WAPL: variants seen among roughly 807,000 people sequenced by gnomAD.
WAPL encodes the protein WAPL cohesin release factor, also known as wings apart-like protein homolog.
In WAPL, 5 loss-of-function variants were observed where a neutral mutation model predicts 121.0. The ratio of observed to expected loss-of-function variants is 0.04; its 90% CI spans 0.02 to 0.09. The LOEUF is 0.09. Among genes scored for constraint, WAPL ranks in the 10% least tolerant of loss-of-function variants. WAPL has a pLI of 1.00. For synonymous variants in WAPL, 480 were observed against 481.5 expected, an observed-to-expected ratio of 1.00 and a Z score of 0.04; for missense variants, 999 against 1,410.8, an observed-to-expected ratio of 0.71 and a Z score of 4.68.
intron 1 of WAPL, among the ~76,000 whole-genome samples, chr10:86,518,889 C>T (rs1842612956): frequency 6.6e-6 from 1 of 152,192 alleles, no homozygotes; most frequent in Non-Finnish European, 1.5e-5. Flanking sequence ...ATGTAATTTG[C>T]GCTGTGACTT....
At chr10:86,517,012 G>A (rs1564592296) in intron 2 of WAPL, among the ~76,000 whole-genome samples, 1 of 152,098 alleles carries the variant, frequency 6.6e-6, no homozygotes, top group Non-Finnish European at 1.5e-5. Context: ...GAACCTGGGA[G>A]GCGGAGCCAG....
Position 86,442,278 on chromosome 10 carries a change from C to T in WAPL, c.3411+997G>A, listed in dbSNP as rs988751125. Among the ~76,000 whole-genome samples the T allele has an allele frequency of 3.3e-5, 5 of 152,192 alleles. No individual in the cohort carries two copies. In the East Asian group the frequency reaches 9.6e-4, roughly 29 times the overall value. ...AACTCCTAACCTCAAGTGATCTGCC[C>T]ATCTCAGCCTCCCAAAGTGCTGAGA... is the stretch of plus-strand genomic sequence containing the variant. On this transcript the variant is annotated intron_variant, in intron 17 of 18. Transcript: ENST00000298767.
At chr10:86,449,783 T>C (rs1840930131) in intron 15 of WAPL, among the ~76,000 whole-genome samples, 1 of 152,152 alleles carries the variant, frequency 6.6e-6, no homozygotes, top group Middle Eastern at 3.4e-3. Context: ...GAGACTAGAA[T>C]GATAGAAAAA....
In WAPL at chr10:86,448,538, G is replaced by T. The variant is rs1029150262; in HGVS notation, c.3115-2089C>A. Among the ~76,000 whole-genome samples the T allele has an allele frequency of 1.3e-5, 2 of 152,184 alleles. 1 individual carries two copies. Among genetic ancestry groups the T allele is most frequent in the Admixed American group, 1.3e-4 (2 of 15,276 alleles). ...CGTGTTGACATGAAGAGCTCAGGAA[G>T]ACACATTAAGCAAAGAGTGGGTATA... On this transcript the variant is annotated intron_variant, in intron 15 of 18. Coordinates refer to ENST00000298767, the MANE Select transcript of WAPL (RefSeq NM_015045.5).
At chr10:86,517,544 C>A (rs756170967) in intron 2 of WAPL, 27 bp downstream of exon 2, 11 of 1,571,584 alleles carry the variant, frequency 7.0e-6, no homozygotes, top group East Asian at 2.2e-5. Flanking sequence ...GCTCTCTTGG[C>A]GGAGAATAAA....
chr10:86,452,518 G>C (rs1216742441), intron 14 of WAPL, among the ~76,000 whole-genome samples: 3 of 152,074 alleles, frequency 2.0e-5, no homozygotes, highest in Non-Finnish European at 4.4e-5. Flanking sequence ...CTTGAACCCA[G>C]GAGATGGAGG....
At chr10:86,516,116 C>T (rs1156713478) in intron 2 of WAPL, among the ~76,000 whole-genome samples, 1 of 152,102 alleles carries the variant, frequency 6.6e-6, no homozygotes, top group Non-Finnish European at 1.5e-5. Context: ...GATCCAACTG[C>T]CTTGGCCTCC....
chr10:86,508,612 C>T (rs1842394831), intron 2 of WAPL, among the ~76,000 whole-genome samples: 1 of 152,130 alleles, frequency 6.6e-6, no homozygotes, highest in Admixed American at 6.5e-5. Flanking sequence ...CAGCATTCCG[C>T]GTCAGTCAAT....
chr10:86,507,063 T>TA (rs776504083), intron 2 of WAPL, among the ~76,000 whole-genome samples: 3,244 of 133,752 alleles, frequency 0.024, 119 homozygotes, highest in African/African-American at 0.074. Context: ...AGGAAAGATT[T>TA]AAAAAAAAAA....
intron 4 of WAPL, among the ~76,000 whole-genome samples, chr10:86,485,546 A>G (rs1841913487): frequency 1.3e-5 from 2 of 152,122 alleles, no homozygotes; most frequent in African/African-American, 4.8e-5. Flanking sequence ...CCAAAACAAA[A>G]AAAAAGATTA....
chr10:86,520,512 T>C (rs1177018159), intron 1 of WAPL, among the ~76,000 whole-genome samples: 1 of 152,164 alleles, frequency 6.6e-6, no homozygotes, highest in Admixed American at 6.5e-5. Context: ...ATTGCCTTTA[T>C]CGTTTCCCAC....
At chr10:86,515,384 G>A (rs1007156499) in intron 2 of WAPL, among the ~76,000 whole-genome samples, 2 of 151,976 alleles carry the variant, frequency 1.3e-5, no homozygotes, top group East Asian at 1.9e-4. Flanking sequence ...GATAATAAAC[G>A]AATCTCATTC....
rs755376573 is a variant in WAPL at position 86,518,106 on chromosome 10, T to G, written c.-22-15A>C. On this transcript the variant is annotated splice_polypyrimidine_tract_variant and intron_variant, in intron 1 of 18. Coordinates refer to ENST00000298767, the MANE Select transcript of WAPL (RefSeq NM_015045.5). ...TTTCATATTCTCTGTGAAAAAAAATTTAAGAAAACATATAATCATCAAATA... is the reference window on the plus strand; with the variant it reads ...TTTCATATTCTCTGTGAAAAAAAATGTAAGAAAACATATAATCATCAAATA... 1.1e-5 allele frequency: 18 copies of G among 1,592,428 alleles called. No homozygotes were observed. The South Asian group carries it at 2.0e-4, about 18-fold the overall frequency.
rs1443438867 is a variant in WAPL, at chr10:86,456,020, G to A, written c.2658-2189C>T. ...AGTTGAATGTTTTTCTCTTCCTCTG[G>A]CCACAAAGGATATTGGGGCAACTTG... On this transcript the variant is annotated intron_variant, in intron 12 of 18. Transcript: ENST00000298767. 2.0e-5 allele frequency among the ~76,000 whole-genome samples: 3 copies of A among 152,090 alleles called. No individual in the cohort carries two copies. The East Asian group carries it at 5.8e-4, about 29-fold the overall frequency.
chr10:86,454,649 C>T (rs1021774662), intron 12 of WAPL, among the ~76,000 whole-genome samples: 1 of 152,220 alleles, frequency 6.6e-6, no homozygotes, highest in African/African-American at 2.4e-5. Flanking sequence ...TCTGCCCAGC[C>T]GCCACCCTGT....
intron 15 of WAPL, among the ~76,000 whole-genome samples, chr10:86,450,497 A>G (rs576502004): frequency 9.8e-5 from 15 of 152,308 alleles, no homozygotes; most frequent in African/African-American, 3.4e-4. Flanking sequence ...TGGCCTCCCA[A>G]AGTGCTGGGA....
chr10:86,455,490 G>A (rs1167847628), intron 12 of WAPL, among the ~76,000 whole-genome samples: 2 of 151,778 alleles, frequency 1.3e-5, no homozygotes, highest in African/African-American at 4.8e-5. Context: ...CAGCATGCTC[G>A]TTAAGAGTCA....
intron 17 of WAPL, among the ~76,000 whole-genome samples, chr10:86,439,877 G>C (rs1181750429): frequency 6.6e-6 from 1 of 152,242 alleles, no homozygotes; most frequent in Non-Finnish European, 1.5e-5. Flanking sequence ...TGGAGGGCAA[G>C]TGAAAATGGG....
In WAPL at chr10:86,499,904, T is replaced by C. The variant is rs1842215341; in HGVS notation, c.1339A>G (p.Asn447Asp). Residue 447 changes from asparagine (N) to aspartate (D), a missense_variant, in exon 3 of 19, where the codon AAT becomes GAT. Asn to Asp is a conservative substitution (Grantham distance 23). This residue lies in a region of WAPL where 531 missense variants were observed against 563.1 expected (regional missense o/e 0.94). Coordinates refer to ENST00000298767, the MANE Select transcript of WAPL (RefSeq NM_015045.5). Reference protein sequence around the residue: ...GGDEGGSGSSNYKIKYFGFDD... With the variant: ...GGDEGGSGSSDYKIKYFGFDD... ...AAGCCAAAATACTTAATTTTGTAAT[T>C]AGAACTTCCAGAACCTCCTTCATCA... is the stretch of plus-strand genomic sequence containing the variant. 1.9e-6 allele frequency: 3 copies of C among 1,614,128 alleles called. No homozygotes were observed. The highest frequency in any genetic ancestry group is 2.5e-6 in the Non-Finnish European group (3 of 1,180,002).
Sources: gnomAD v4.1 joint callset for allele counts (sites outside exome capture counted in the v4.1 genomes callset) on GRCh38, gnomAD v4.1.1 for gene constraint, gnomAD v4.1.1 regional missense constraint, MANE v1.5 for transcripts, NCBI Gene and HGNC (gene_info 2026-07-23, HGNC 2026-07-21) for gene names.